Variants in MSANTD7 observed in about 807,000 individuals in gnomAD.
MSANTD7 encodes the protein zinc finger and SCAN domain containing 29.
the MSANTD7 span, chr10:14,838,360 T>A: frequency 1.3e-6 from 2 of 1,568,238 alleles, no homozygotes. Context: ...CTGTTGCTGT[T>A]GGGGGACCCC....
At chr10:14,838,470 G>T in the MSANTD7 span, 1 of 1,598,836 alleles carries the variant, frequency 6.3e-7, no homozygotes. Flanking sequence ...GTGAGGGGCT[G>T]CGGAGCTGGG....
At chr10:14,844,650 G>A in the MSANTD7 span, 9 of 983,522 alleles carry the variant, frequency 9.2e-6, no homozygotes, top group Non-Finnish European at 1.1e-5. Flanking sequence ...AAGTGCCAGG[G>A]AGCCGCCATT....
the MSANTD7 span, chr10:14,845,617 A>G: frequency 3.7e-6 from 3 of 821,646 alleles, no homozygotes; most frequent in East Asian, 1.2e-4. Flanking sequence ...TTTTTGAGAA[A>G]AAGTCTCACT....
chr10:14,842,615 T>C, the MSANTD7 span: 568 of 1,536,132 alleles, frequency 3.7e-4, 5 homozygotes, highest in South Asian at 6.3e-3. The surrounding 1 kb of genome is among the most constrained non-coding windows in gnomAD (Gnocchi z 5.2). Context: ...CCCAGACAAC[T>C]TAATGGAGGA....
the MSANTD7 span, chr10:14,843,780 G>A: frequency 1.3e-6 from 2 of 1,536,322 alleles, no homozygotes; most frequent in Non-Finnish European, 1.7e-6. Context: ...AGCTCCGCAG[G>A]GATGCTGTCA....
chr10:14,843,730 A>G, the MSANTD7 span: 13 of 1,537,204 alleles, frequency 8.5e-6, no homozygotes, highest in African/African-American at 1.2e-4. Context: ...GCTGATTGCT[A>G]TTGGTGAGGA....
chr10:14,840,381 C>G, the MSANTD7 span, among the ~76,000 whole-genome samples: 1 of 152,196 alleles, frequency 6.6e-6, no homozygotes, highest in African/African-American at 2.4e-5. Flanking sequence ...GCTGACAGGT[C>G]AATTTGGTAA....
the MSANTD7 span, among the ~76,000 whole-genome samples, chr10:14,840,987 C>T: frequency 6.6e-6 from 1 of 152,068 alleles, no homozygotes; most frequent in African/African-American, 2.4e-5. Context: ...CACCCTCGGC[C>T]CCAGGTTCTT....
the MSANTD7 span, chr10:14,845,588 TA>T: frequency 1.1e-6 from 1 of 933,182 alleles, no homozygotes; most frequent in Non-Finnish European, 1.3e-6. Context: ...TGCCCTTTTC[TA>T]TTATTATTAT....
chr10:14,840,196 A>G, the MSANTD7 span: 1 of 988,054 alleles, frequency 1.0e-6, no homozygotes, highest in Non-Finnish European at 1.4e-6. Flanking sequence ...TGGTAATAGG[A>G]ACATGTTCAT....
the MSANTD7 span, chr10:14,838,431 G>A: frequency 4.8e-5 from 77 of 1,606,440 alleles, no homozygotes; most frequent in South Asian, 8.0e-4. Flanking sequence ...CACCTGGGCT[G>A]CACCTCAGCC....
the MSANTD7 span, chr10:14,842,886 TTGTGGCTCTAAACATTTAGC>T: frequency 3.7e-6 from 5 of 1,362,108 alleles, no homozygotes; most frequent in South Asian, 6.9e-5. This position sits in a 1 kb window ranked among gnomAD's most constrained non-coding sequence, Gnocchi z 5.2. Flanking sequence ...TCCCAGAGTC[TTGTGGCTCTAAACATTTAGC>T]TGTGTCTGTT....
chr10:14,844,619 C>T, the MSANTD7 span: 1 of 985,180 alleles, frequency 1.0e-6, no homozygotes. Context: ...TCTTAGTCTC[C>T]TATCAATATA....
chr10:14,844,503 C>T, the MSANTD7 span: 369 of 988,538 alleles, frequency 3.7e-4, no homozygotes, highest in Non-Finnish European at 4.2e-4. Flanking sequence ...TAAGCACAAC[C>T]TGTATTTGTA....
the MSANTD7 span, chr10:14,842,635 G>C: frequency 7.2e-6 from 11 of 1,536,148 alleles, no homozygotes; most frequent in East Asian, 2.4e-4. The surrounding 1 kb of genome is among the most constrained non-coding windows in gnomAD (Gnocchi z 5.2). Flanking sequence ...ATGCTGCTTG[G>C]GCCAAGCACT....
chr10:14,842,671 CG>C, the MSANTD7 span: 1 of 1,536,274 alleles, frequency 6.5e-7, no homozygotes, highest in Non-Finnish European at 8.7e-7. The surrounding 1 kb of genome is among the most constrained non-coding windows in gnomAD (Gnocchi z 5.2). Flanking sequence ...TGGCCTCTGA[CG>C]CCCCAGGGGA....
chr10:14,838,858 G>C, the MSANTD7 span, among the ~76,000 whole-genome samples: 1 of 152,134 alleles, frequency 6.6e-6, no homozygotes, highest in African/African-American at 2.4e-5. Context: ...GGACGTCCTG[G>C]CCTCTGGATG....
the MSANTD7 span, among the ~76,000 whole-genome samples, chr10:14,843,029 C>G: frequency 1.3e-5 from 2 of 152,214 alleles, no homozygotes; most frequent in Non-Finnish European, 2.9e-5. Context: ...AGCTATGCCC[C>G]TGGCAACATA....
chr10:14,846,366 A>C, the MSANTD7 span: 4 of 985,394 alleles, frequency 4.1e-6, no homozygotes, highest in South Asian at 1.9e-4. Flanking sequence ...GCTGAAGAAG[A>C]GCATTGGAAT....
Sources: gnomAD v4.1 joint callset for allele counts (sites outside exome capture counted in the v4.1 genomes callset) on GRCh38, gnomAD v4.1.1 for gene constraint, Gnocchi (gnomAD v3.1) non-coding constraint, MANE v1.5 for transcripts, NCBI Gene and HGNC (gene_info 2026-07-23, HGNC 2026-07-21) for gene names.